The following DYNC1I1 variants were observed in gnomAD, a reference collection of about 807,000 sequenced individuals.
The protein encoded by DYNC1I1 is dynein cytoplasmic 1 intermediate chain 1, also known as cytoplasmic dynein 1 intermediate chain 1.
Under a neutral mutation model 86.6 loss-of-function variants are expected in DYNC1I1, and 43 were observed. The ratio of observed to expected loss-of-function variants is 0.50; its 90% confidence interval spans 0.39 to 0.64. DYNC1I1 has a LOEUF of 0.64. Ranked by LOEUF, DYNC1I1 falls within the 30% of genes least tolerant of loss-of-function variation. The pLI, the probability that DYNC1I1 is intolerant of heterozygous loss-of-function variation, is 0.00. For synonymous variants in DYNC1I1, 262 were observed against 283.7 expected, an observed-to-expected ratio of 0.92 and a Z score of 0.77; for missense variants, 604 against 788.8, an observed-to-expected ratio of 0.77 and a Z score of 2.81.
chr7:96,105,267 A>G (rs1343070561), intron 16 of DYNC1I1, among the ~76,000 whole-genome samples: 1 of 151,976 alleles, frequency 6.6e-6, no homozygotes, highest in Non-Finnish European at 1.5e-5. Flanking sequence ...AAAATAATGA[A>G]AAGTTTAATT....
chr7:95,918,605 G>A (rs1385842356), intron 6 of DYNC1I1, among the ~76,000 whole-genome samples: 1 of 152,114 alleles, frequency 6.6e-6, no homozygotes, highest in East Asian at 1.9e-4. Flanking sequence ...GCCTTTTTTT[G>A]TGATGGTTTG....
chr7:96,108,757 G>T (rs1346470947), intron 16 of DYNC1I1, among the ~76,000 whole-genome samples: 1 of 151,562 alleles, frequency 6.6e-6, no homozygotes, highest in Non-Finnish European at 1.5e-5. Context: ...AGCTACTCGG[G>T]AGGCTGAGGC....
chr7:95,848,880 C>G (rs1167994599), intron 5 of DYNC1I1, among the ~76,000 whole-genome samples: 2 of 152,096 alleles, frequency 1.3e-5, no homozygotes, highest in Non-Finnish European at 2.9e-5. Context: ...CACAATCTTG[C>G]CAATATTTGC....
At chr7:96,028,071 C>T (rs150280272) in intron 10 of DYNC1I1, 104 bp from the exon 11 acceptor site, 9 of 1,437,252 alleles carry the variant, frequency 6.3e-6, no homozygotes, top group South Asian at 1.5e-5. Flanking sequence ...TTTTTGTTTT[C>T]CAGGATGTGT....
intron 2 of DYNC1I1, among the ~76,000 whole-genome samples, chr7:95,807,069 A>C (rs1430695601): frequency 1.3e-5 from 2 of 152,190 alleles, no homozygotes; most frequent in African/African-American, 4.8e-5. Context: ...ATCCCAGAGC[A>C]GTAAAAGACA....
At chr7:96,087,137 A>C (rs1286746798) in intron 16 of DYNC1I1, among the ~76,000 whole-genome samples, 1 of 152,184 alleles carries the variant, frequency 6.6e-6, no homozygotes, top group East Asian at 1.9e-4. Flanking sequence ...GAACTCCTTC[A>C]TGTTTTCCAG....
intron 1 of DYNC1I1, among the ~76,000 whole-genome samples, chr7:95,783,471 T>C (rs988400407): frequency 2.0e-5 from 3 of 152,024 alleles, no homozygotes; most frequent in Non-Finnish European, 2.9e-5. Context: ...AGAGGGAAAA[T>C]AGAATAATTT....
intron 16 of DYNC1I1, among the ~76,000 whole-genome samples, chr7:96,096,238 T>A (rs1217269491): frequency 1.3e-5 from 2 of 152,112 alleles, no homozygotes; most frequent in East Asian, 3.8e-4. Context: ...TTTTAAGTTC[T>A]AATCATTTGG....
At chr7:95,780,920 T>G (rs529581598) in intron 1 of DYNC1I1, among the ~76,000 whole-genome samples, 1 of 152,262 alleles carries the variant, frequency 6.6e-6, no homozygotes, top group South Asian at 2.1e-4. Context: ...GTGCGTCTAC[T>G]GTTTCACCAT....
chr7:95,775,845 A>G (rs893602803), intron 1 of DYNC1I1, among the ~76,000 whole-genome samples: 1 of 152,210 alleles, frequency 6.6e-6, no homozygotes, highest in Non-Finnish European at 1.5e-5. Context: ...TGCTGGAACT[A>G]GGAACTTCTA....
intron 5 of DYNC1I1, among the ~76,000 whole-genome samples, chr7:95,859,306 T>C (rs1789811391): frequency 6.6e-6 from 1 of 152,154 alleles, no homozygotes; most frequent in Non-Finnish European, 1.5e-5. Flanking sequence ...AGGCAGTTCA[T>C]ATATCTCCTT....
chr7:95,869,796 T>A (rs1790113821), intron 5 of DYNC1I1, 87 bp from the exon 6 acceptor site: 1 of 1,284,818 alleles, frequency 7.8e-7, no homozygotes, highest in Admixed American at 1.9e-5. Flanking sequence ...TTGTGGTTTG[T>A]TTGTTTTAGT....
At chr7:95,934,384 T>C (rs76129408) in intron 6 of DYNC1I1, among the ~76,000 whole-genome samples, 2,187 of 152,272 alleles carry the variant, frequency 0.014, 52 homozygotes, top group African/African-American at 0.05. Flanking sequence ...ATGATCAACA[T>C]ATAAGTGGGA....
At chr7:95,779,228 C>T (rs1034851649) in intron 1 of DYNC1I1, among the ~76,000 whole-genome samples, 1 of 152,044 alleles carries the variant, frequency 6.6e-6, no homozygotes, top group African/African-American at 2.4e-5. Flanking sequence ...GAAATCTTCC[C>T]TGTTTAAATA....
chr7:96,007,719 A>G (rs951412086), intron 10 of DYNC1I1, among the ~76,000 whole-genome samples: 2 of 152,206 alleles, frequency 1.3e-5, no homozygotes, highest in African/African-American at 2.4e-5. Context: ...TCTGTACAGC[A>G]TTTTTAAAAG....
intron 6 of DYNC1I1, among the ~76,000 whole-genome samples, chr7:95,970,853 G>A (rs1307003498): frequency 3.3e-5 from 5 of 152,180 alleles, no homozygotes; most frequent in Non-Finnish European, 7.3e-5. Context: ...AAGGTGGGTG[G>A]CAGAATAATG....
At chr7:95,993,468 T>C (rs911465420) in intron 9 of DYNC1I1, among the ~76,000 whole-genome samples, 55 of 152,228 alleles carry the variant, frequency 3.6e-4, no homozygotes, top group Middle Eastern at 3.2e-3. Context: ...TTGATGTTTA[T>C]AGAGTTGCCT....
chr7:96,074,024 A>T (rs1417372447), intron 14 of DYNC1I1, among the ~76,000 whole-genome samples: 2 of 152,234 alleles, frequency 1.3e-5, no homozygotes, highest in African/African-American at 4.8e-5. Context: ...GCTTCAAATC[A>T]CACTGCAAAC....
chr7:96,099,067 A>ATTTGTTTAAATGCT (rs1584321018), downstream of DYNC1I1, among the ~76,000 whole-genome samples: 1 of 152,188 alleles, frequency 6.6e-6, no homozygotes, highest in East Asian at 1.9e-4. Flanking sequence ...GAGTATCTGG[A>ATTTGTTTAAATGCT]ATAGGTTTAA....
Sources: allele counts gnomAD v4.1 joint callset (sites outside exome capture counted in the v4.1 genomes callset), GRCh38; gene constraint gnomAD v4.1.1; transcripts MANE v1.5; gene names NCBI Gene and HGNC (gene_info 2026-07-23, HGNC 2026-07-21).